ATG2A: variants seen among roughly 807,000 people sequenced by gnomAD.
ATG2A encodes autophagy-related protein 2 homolog A.
In ATG2A, 103 loss-of-function variants were observed where a neutral mutation model predicts 214.2. The observed-to-expected ratio is 0.48, with a 90% CI of 0.41 to 0.57. The LOEUF (loss-of-function observed/expected upper bound fraction) is 0.57, where lower values mean the gene tolerates loss of function less well. ATG2A is among the 20% of genes least tolerant of loss of function. ATG2A has a pLI of 0.00. For missense variants in ATG2A, 2,312 were observed against 2,613.2 expected (o/e 0.88, Z 2.51); for synonymous variants, 1,160 against 1,142.1 (o/e 1.02, Z -0.32).
At position 64,912,327 on chromosome 11, in the gene ATG2A, C is replaced by T. The variant is rs750757637; in HGVS notation, c.922G>A (p.Asp308Asn). ...CCCCCATGCCACCCAGGGGCCTCAC[C>T]TGTAAGGCTCACGGCGCTGAGCAGT... ...QELLSAVSLT[D>N]HEGLADKLNK... Residue 308 changes from aspartate (D) to asparagine (N), a missense_variant and splice_region_variant, in exon 7 of 41, where the codon GAC becomes AAC. Asp to Asn is a conservative substitution (Grantham distance 23). Transcript: ENST00000377264. 1 of 1,610,680 alleles carries T rather than the reference C, an allele frequency of 6.2e-7. No homozygotes were observed. The highest frequency in any genetic ancestry group is 2.2e-5 in the East Asian group (1 of 44,754).
intron 23 of ATG2A, 34 bp from the exon 24 acceptor site, chr11:64,905,689 T>C (rs538220239): frequency 2.5e-6 from 4 of 1,613,434 alleles, no homozygotes; most frequent in Non-Finnish European, 3.4e-6. Flanking sequence ...GCCGGCTCCT[T>C]ACACCTGAGA....
Position 64,894,767 on chromosome 11 carries a change from C to T in ATG2A, c.*206G>A, listed in dbSNP as rs779139100. ...GGGGAGGGGCAGTGTCCTTTCTCCC[C>T]GGAGGAAAAGTGCAGAGCCAGGGCT... On this transcript the variant is annotated 3_prime_UTR_variant, in exon 41 of 41. Transcript: ENST00000377264. The T allele has an allele frequency of 4.5e-5, 33 of 735,620 alleles. No individual in the cohort carries two copies. Among genetic ancestry groups the T allele is most frequent in the Non-Finnish European group, 7.0e-5 (29 of 413,112 alleles). The allele number at this position is 735,620 out of a possible 1,614,324, so 45.6% of individuals were successfully genotyped here. A position where few individuals can be genotyped will look rare whatever the true frequency, so the allele number is the denominator to read the frequency against.
intron 29 of ATG2A, among the ~76,000 whole-genome samples, chr11:64,901,532 C>T (rs1446422941): frequency 1.3e-5 from 2 of 152,082 alleles, no homozygotes; most frequent in African/African-American, 2.4e-5. Context: ...GTTGCTATCA[C>T]CCGAGTCTAT....
In ATG2A at chr11:64,896,831, T is replaced by C; in HGVS notation, c.5189A>G (p.Asn1730Ser). Reference sequence around the variant, plus strand: ...CTTGCGGATGTCCTGCAGCCACTCGTTGAGGGCATAGCCCAGCACCTTGTC... The same window carrying C: ...CTTGCGGATGTCCTGCAGCCACTCGCTGAGGGCATAGCCCAGCACCTTGTC... ...GVDKVLGYAL[N>S]EWLQDIRKNQ... The change falls in exon 38 of 41, where the codon AAC becomes AGC. Residue 1730 changes from asparagine (N) to serine (S), a missense_variant. Coordinates refer to ENST00000377264, the MANE Select transcript of ATG2A (RefSeq NM_015104.3). The C allele has an allele frequency of 6.2e-7, 1 of 1,614,176 alleles. No individual in the cohort carries two copies. The highest frequency in any genetic ancestry group is 1.3e-5 in the African/African-American group (1 of 75,056).
Position 64,895,490 on chromosome 11 carries a change from G to A in ATG2A, c.5428-48C>T, listed in dbSNP as rs865786494. On this transcript the variant is annotated intron_variant, in intron 39 of 40. Transcript: ENST00000377264. The surrounding 1 kb of genome is among the most constrained non-coding windows in gnomAD (Gnocchi z 5.0). ...ATGAGGACAGCTGGCTGGGGCACAC[G>A]TCAGCCCCAGGCCCCCAGGACAGTC... 17 of 1,481,854 alleles carry A rather than the reference G, an allele frequency of 1.1e-5. No individual in the cohort carries two copies. Among genetic ancestry groups the A allele is most frequent in the East Asian group, 4.9e-5 (2 of 40,598 alleles). The allele number at this position is 1,481,854 out of a possible 1,614,324, so 91.8% of individuals were successfully genotyped here. A position where few individuals can be genotyped will look rare whatever the true frequency, so the allele number is the denominator to read the frequency against.
At position 64,901,011 on chromosome 11, in the gene ATG2A, C is replaced by T. The variant is rs567957475; in HGVS notation, c.4201G>A (p.Gly1401Ser). ...VRDGYFSRPI[G>S]STDLLRAPAH... ...GGTGCCCGCAGCAAGTCCGTGCTGC[C>T]GATCGGCCGTGAGAAGTAACCGTCC... The change falls in exon 30 of 41, where the codon GGC becomes AGC. Residue 1401 changes from glycine to serine, a missense_variant. Physicochemically the swap from Gly to Ser is moderately conservative, Grantham distance 56. Coordinates refer to ENST00000377264, the MANE Select transcript of ATG2A (RefSeq NM_015104.3). 9.4e-6 allele frequency: 15 copies of T among 1,589,202 alleles called. No individual in the cohort carries two copies. The highest frequency in any genetic ancestry group is 3.5e-5 in the Admixed American group (2 of 57,164).
chr11:64,908,703 T>C (rs75809327), intron 16 of ATG2A, among the ~76,000 whole-genome samples: 13,593 of 152,290 alleles, frequency 0.089, 1,010 homozygotes, highest in African/African-American at 0.2. Context: ...TTAACTGCCT[T>C]TCTAAGTGTA....
Position 64,900,493 on chromosome 11 carries a change from C to T in ATG2A, c.4464+1G>A. ...TAGTAGGCACTCGCCACCCCACTCA[C>T]CTTGCTCAGCTGGATCTCCATGAGG... On this transcript the variant is annotated splice_donor_variant, in intron 31 of 40. Coordinates refer to ENST00000377264, the MANE Select transcript of ATG2A (RefSeq NM_015104.3). LOFTEE classifies it high-confidence loss of function. The T allele has an allele frequency of 1.2e-6, 2 of 1,613,502 alleles. No individual in the cohort carries two copies. The highest frequency in any genetic ancestry group is 1.7e-6 in the Non-Finnish European group (2 of 1,180,032).
In ATG2A at chr11:64,905,570, G is replaced by C. The variant is rs1333298692; in HGVS notation, c.3457C>G (p.Leu1153Val). 6.2e-7 allele frequency: 1 copy of C among 1,611,414 alleles called. No individual in the cohort carries two copies. The change falls in exon 24 of 41, where the codon CTG becomes GTG. Residue 1153 changes from leucine (L) to valine (V), a missense_variant. Coordinates refer to ENST00000377264, the MANE Select transcript of ATG2A (RefSeq NM_015104.3). ...GTGGGGCGGCCTGCATACCTGAGCA[G>C]GAAGGTGGAGGTGTCCATGATGATG... The part of the protein sequence containing the change: ...SNIIMDTSTF[L>V]LRFILDDSAL...
chr11:64,897,463 G>C lies in ATG2A; in HGVS notation c.5099C>G (p.Ala1700Gly). 1 of 1,576,582 alleles carries C rather than the reference G, an allele frequency of 6.3e-7. No individual in the cohort carries two copies. The highest frequency in any genetic ancestry group is 8.6e-7 in the Non-Finnish European group (1 of 1,160,946). The change falls in exon 37 of 41, where the codon GCC becomes GGC. Residue 1700 changes from alanine (A) to glycine (G), a missense_variant. Ala to Gly is a moderately conservative substitution (Grantham distance 60). Transcript: ENST00000377264. The part of the protein sequence containing the change: ...GTFAGLLIGL[A>G]QLNCSELKLK... ...CTTCAGCTCGGAGCAGTTGAGTTGG[G>C]CCAGGCCGATGAGGAGGCCAGCAAA...
intron 19 of ATG2A, 68 bp from the exon 20 acceptor site, chr11:64,906,883 G>T: frequency 1.3e-6 from 2 of 1,534,436 alleles, no homozygotes; most frequent in Admixed American, 2.0e-5. Flanking sequence ...TCTGGGGGTT[G>T]GCGGCTCCTG....
At chr11:64,897,259 G>A (rs1215482970) in intron 37 of ATG2A, 153 bp downstream of exon 37, 1 of 849,274 alleles carries the variant, frequency 1.2e-6, no homozygotes, top group East Asian at 2.7e-5. Context: ...GAATGTGTGA[G>A]CCATCATGCC....
chr11:64,900,108 T>C (rs1359517727), intron 31 of ATG2A, among the ~76,000 whole-genome samples: 1 of 150,932 alleles, frequency 6.6e-6, no homozygotes, highest in East Asian at 1.9e-4. Context: ...TCAGGTGATC[T>C]GCTCTCTTCG....
chr11:64,906,282 C>T lies in ATG2A; in HGVS notation c.3183+52G>A, dbSNP rs371324318. On this transcript the variant is annotated intron_variant, in intron 21 of 40. Coordinates refer to ENST00000377264, the MANE Select transcript of ATG2A (RefSeq NM_015104.3). ...CGCGCACTGGGGTCCCACCGCACAC[C>T]GGGGCTGCAGCCCAGGCTAGCAGGA... is the stretch of plus-strand genomic sequence containing the variant. 323 of 1,607,842 alleles carry T rather than the reference C, an allele frequency of 2.0e-4. 2 individuals are homozygous for T. In the African/African-American group the frequency reaches 2.6e-3, roughly 13 times the overall value.
At position 64,914,145 on chromosome 11, in the gene ATG2A, C is replaced by T. The variant is rs142791418; in HGVS notation, c.423G>A (p.Pro141=). 684 of 1,552,762 alleles carry T rather than the reference C, an allele frequency of 4.4e-4. 1 individual carries two copies. The highest frequency in any genetic ancestry group is 5.2e-4 in the Non-Finnish European group (592 of 1,148,062). The change falls in exon 3 of 41, where the codon CCG becomes CCA. Residue 141 remains proline (P), a synonymous_variant. Transcript: ENST00000377264. Reference sequence around the variant, plus strand: ...GGGGCTGTGGTGGCTCAGAGGGCTCCGGTAGCCCATCCCGCAGACACTCCT... The same window carrying T: ...GGGGCTGTGGTGGCTCAGAGGGCTCTGGTAGCCCATCCCGCAGACACTCCT... The part of the protein sequence containing the change: ...LAQECLRDGL[P]EPSEPPQPLE...
At chr11:64,909,458 G>T in intron 14 of ATG2A, 91 bp from the exon 15 acceptor site, 1 of 1,429,722 alleles carries the variant, frequency 7.0e-7, no homozygotes, top group East Asian at 2.3e-5. Context: ...CTGTGCCCCC[G>T]ACTCCACACA....
intron 12 of ATG2A, 110 bp from the exon 13 acceptor site, chr11:64,910,305 A>G (rs986490826): frequency 7.0e-7 from 1 of 1,436,576 alleles, no homozygotes; most frequent in African/African-American, 1.4e-5. Flanking sequence ...CCACGAGAGC[A>G]CTAAGAAGGC....
In ATG2A at chr11:64,895,341, C is replaced by A; in HGVS notation, c.5529G>T (p.Gln1843His). Residue 1843 changes from glutamine (Q) to histidine (H), a missense_variant, in exon 40 of 41, where the codon CAG (glutamine) becomes CAT (histidine). Coordinates refer to ENST00000377264, the MANE Select transcript of ATG2A (RefSeq NM_015104.3). The surrounding 1 kb of genome is among the most constrained non-coding windows in gnomAD (Gnocchi z 5.0). ...CCACACCCTCCCGCAGGTCGGCAGG[C>A]TGCTGGCCCCTGCGCAGCCTCCGCG... ...RSARRLRRGQ[Q>H]PADLREGVAK... The A allele has an allele frequency of 6.2e-7, 1 of 1,613,214 alleles. No homozygotes were observed. The highest frequency in any genetic ancestry group is 8.5e-7 in the Non-Finnish European group (1 of 1,179,844).
Position 64,901,010 on chromosome 11 carries a change from C to A in ATG2A, c.4202G>T (p.Gly1401Val), listed in dbSNP as rs1341480915. ...AGGTGCCCGCAGCAAGTCCGTGCTGCCGATCGGCCGTGAGAAGTAACCGTC... is the reference window on the plus strand; with the variant it reads ...AGGTGCCCGCAGCAAGTCCGTGCTGACGATCGGCCGTGAGAAGTAACCGTC... ...VRDGYFSRPI[G>V]STDLLRAPAH... Residue 1401 changes from glycine to valine, a missense_variant, in exon 30 of 41, where the codon GGC becomes GTC. Physicochemically the swap from Gly to Val is moderately radical, Grantham distance 109. Transcript: ENST00000377264. The A allele has an allele frequency of 6.3e-7, 1 of 1,589,250 alleles. No individual in the cohort carries two copies. Among genetic ancestry groups the A allele is most frequent in the South Asian group, 1.1e-5 (1 of 87,472 alleles).
Sources: allele counts gnomAD v4.1 joint callset (sites outside exome capture counted in the v4.1 genomes callset), GRCh38; gene constraint gnomAD v4.1.1; non-coding constraint Gnocchi (gnomAD v3.1); transcripts MANE v1.5; gene names NCBI Gene and HGNC (gene_info 2026-07-23, HGNC 2026-07-21).